HDAC1: variants seen among roughly 807,000 people sequenced by gnomAD.
HDAC1 encodes histone deacetylase 1.
A neutral mutation model predicts 65.5 loss-of-function variants in HDAC1; 18 were observed. The observed-to-expected ratio is 0.27, with a 90% confidence interval of 0.19 to 0.41. The LOEUF (loss-of-function observed/expected upper bound fraction) is 0.41. HDAC1 is among the 10% of genes least tolerant of loss of function. HDAC1 has a pLI of 1.00. For synonymous variants in HDAC1, 211 were observed against 227.9 expected, an observed-to-expected ratio of 0.93 and a Z score of 0.67; for missense variants, 373 against 625.2, an observed-to-expected ratio of 0.60 and a Z score of 4.30.
In HDAC1 at chr1:32,314,677, T is replaced by C. The variant is rs145222478; in HGVS notation, c.163-1988T>C. On this transcript the variant is annotated intron_variant, in intron 2 of 13. Coordinates refer to ENST00000373548, the MANE Select transcript of HDAC1 (RefSeq NM_004964.3). Reference sequence around the variant, plus strand: ...CCATCTCTACTAAATGTACAAAAAATTAGCCAGGTGTGATGGCGGGCGCCT... The same window carrying C: ...CCATCTCTACTAAATGTACAAAAAACTAGCCAGGTGTGATGGCGGGCGCCT... Among the ~76,000 whole-genome samples, 612 of 151,976 alleles carry C rather than the reference T, an allele frequency of 4.0e-3. 3 individuals carry two copies. The highest frequency in any genetic ancestry group is 0.014 in the African/African-American group (574 of 41,472).
intron 2 of HDAC1, among the ~76,000 whole-genome samples, chr1:32,305,346 A>G (rs2148059490): frequency 6.6e-6 from 1 of 152,284 alleles, no homozygotes; most frequent in East Asian, 1.9e-4. Flanking sequence ...AAGTTTCACT[A>G]AAGGATATAC....
intron 1 of HDAC1, among the ~76,000 whole-genome samples, chr1:32,296,715 G>A (rs1640771294): frequency 6.6e-6 from 1 of 152,168 alleles, no homozygotes; most frequent in Non-Finnish European, 1.5e-5. Flanking sequence ...GTGTGAGGTA[G>A]GGAGAGAGGA....
In HDAC1 at chr1:32,327,810, C is replaced by T; in HGVS notation, c.636+133C>T. The T allele has an allele frequency of 2.7e-6, 2 of 753,134 alleles. No individual in the cohort carries two copies. Among genetic ancestry groups the T allele is most frequent in the Non-Finnish European group, 4.7e-6 (2 of 427,140 alleles). The allele number at this position is 753,134 out of a possible 1,614,324, so 46.7% of individuals were successfully genotyped here. ...GAATACCACATCCCAATCTGAAGCA[C>T]TTGCCCTGATCTCTTTCCCTTCCTT... On this transcript the variant is annotated intron_variant, in intron 6 of 13. Coordinates refer to ENST00000373548, the MANE Select transcript of HDAC1 (RefSeq NM_004964.3). This position sits in a 1 kb window ranked among gnomAD's most constrained non-coding sequence, Gnocchi z 6.0.
chr1:32,319,161 T>C (rs1489805005), intron 3 of HDAC1, among the ~76,000 whole-genome samples: 1 of 152,116 alleles, frequency 6.6e-6, no homozygotes, highest in Non-Finnish European at 1.5e-5. Flanking sequence ...TCTCAGCTAC[T>C]TAGGAGGCTG....
Position 32,331,486 on chromosome 1 carries a change from A to G in HDAC1, c.992A>G (p.Asn331Ser), listed in dbSNP as rs1380699516. The change falls in exon 10 of 14, where the codon AAT becomes AGT. Residue 331 changes from asparagine (N) to serine (S), a missense_variant. Around this residue, in one of 4 missense-constraint regions of HDAC1, gnomAD observed 105 missense variants for 192.6 expected, o/e 0.55. Coordinates refer to ENST00000373548, the MANE Select transcript of HDAC1 (RefSeq NM_004964.3). This position sits in a 1 kb window ranked among gnomAD's most constrained non-coding sequence, Gnocchi z 4.2. Reference sequence around the variant, plus strand: ...CTGCCCCAATCAGAGCTTCCATACAATGACTACTTTGAATACTTTGGACCA... The same window carrying G: ...CTGCCCCAATCAGAGCTTCCATACAGTGACTACTTTGAATACTTTGGACCA... ...DTEIPNELPY[N>S]DYFEYFGPDF... is the part of the protein sequence containing the mutation. The G allele has an allele frequency of 7.5e-6, 12 of 1,604,894 alleles. No homozygotes were observed. The highest frequency in any genetic ancestry group is 1.7e-5 in the Admixed American group (1 of 60,012).
chr1:32,310,738 T>G (rs971346123), intron 2 of HDAC1, among the ~76,000 whole-genome samples: 1 of 151,706 alleles, frequency 6.6e-6, no homozygotes, highest in African/African-American at 2.4e-5. Context: ...TAATCCCAGC[T>G]ACTCGGGAGG....
At position 32,332,810 on chromosome 1, in the gene HDAC1, A is replaced by C. The variant is rs986934513; in HGVS notation, c.1421+61A>C. 3 of 1,436,054 alleles carry C rather than the reference A, an allele frequency of 2.1e-6. No homozygotes were observed. The African/African-American group carries it at 4.2e-5, about 20-fold the overall frequency. 89.0% of individuals were successfully genotyped at this position (1,436,054 alleles called of 1,614,324 possible). ...ATTGGAGCACCAGCCCCTTTGTCCC[A>C]CCACTCTGAGGAAAGGCACAGGGAC... On this transcript the variant is annotated intron_variant, in intron 13 of 13. Coordinates refer to ENST00000373548, the MANE Select transcript of HDAC1 (RefSeq NM_004964.3).
intron 3 of HDAC1, among the ~76,000 whole-genome samples, chr1:32,322,143 G>A (rs1641156317): frequency 6.6e-6 from 1 of 152,140 alleles, no homozygotes; most frequent in Non-Finnish European, 1.5e-5. Flanking sequence ...TCACCCCAGG[G>A]CTGCTCCTTC....
intron 1 of HDAC1, among the ~76,000 whole-genome samples, chr1:32,294,007 G>T (rs1378699260): frequency 6.6e-6 from 1 of 151,612 alleles, no homozygotes; most frequent in East Asian, 1.9e-4. Flanking sequence ...GGCAGAGGTT[G>T]CAGTGGGCTG....
intron 6 of HDAC1, 86 bp from the exon 7 acceptor site, chr1:32,328,981 AC>A: frequency 1.2e-6 from 1 of 836,838 alleles, no homozygotes; most frequent in Non-Finnish European, 2.1e-6. Context: ...TCTCTCTTGA[AC>A]CTCTTCCTTT....
rs567790964 is a variant in HDAC1, at chr1:32,318,894, A to G, written c.280+2112A>G. Among the ~76,000 whole-genome samples, 11 of 152,146 alleles carry G rather than the reference A, an allele frequency of 7.2e-5. No homozygotes were observed. In the East Asian group the frequency reaches 1.2e-3, roughly 16 times the overall value. ...AGCAGTTTGGGAGGCTGAGGCAAGC[A>G]GATCACCTGGGGTCGGGAGTTTGAG... On this transcript the variant is annotated intron_variant, in intron 3 of 13. Transcript: ENST00000373548.
intron 2 of HDAC1, among the ~76,000 whole-genome samples, chr1:32,311,432 A>G (rs1169123412): frequency 6.6e-6 from 1 of 151,690 alleles, no homozygotes; most frequent in Non-Finnish European, 1.5e-5. Context: ...GTGCCATTAC[A>G]CTCCAGCCTG....
rs1417924031 is a variant in HDAC1, at chr1:32,331,823, G to C, written c.1219+17G>C. On this transcript the variant is annotated intron_variant, in intron 11 of 13. Transcript: ENST00000373548. This position sits in a 1 kb window ranked among gnomAD's most constrained non-coding sequence, Gnocchi z 4.2. Reference sequence around the variant, plus strand: ...GCATCTCGAGTGAGACCCAGACCTAGAGCCCTATGCCTTCCATTCAATAGG... The same window carrying C: ...GCATCTCGAGTGAGACCCAGACCTACAGCCCTATGCCTTCCATTCAATAGG... The C allele has an allele frequency of 2.5e-6, 4 of 1,597,582 alleles. No individual in the cohort carries two copies. The highest frequency in any genetic ancestry group is 8.5e-7 in the Non-Finnish European group (1 of 1,171,112).
intron 12 of HDAC1, 131 bp from the exon 13 acceptor site, chr1:32,332,570 C>T: frequency 1.4e-6 from 1 of 711,000 alleles, no homozygotes; most frequent in Admixed American, 2.6e-5. Flanking sequence ...CTGGGAGGAC[C>T]AGGGATGGGC....
chr1:32,319,160 C>G (rs1227560508), intron 3 of HDAC1, among the ~76,000 whole-genome samples: 4 of 152,008 alleles, frequency 2.6e-5, no homozygotes, highest in African/African-American at 9.7e-5. Context: ...GTCTCAGCTA[C>G]TTAGGAGGCT....
intron 1 of HDAC1, among the ~76,000 whole-genome samples, chr1:32,301,164 T>C (rs1363751053): frequency 6.6e-6 from 1 of 151,612 alleles, no homozygotes; most frequent in Non-Finnish European, 1.5e-5. Flanking sequence ...AGAAAGTCCT[T>C]GGCCGGGCGC....
intron 2 of HDAC1, among the ~76,000 whole-genome samples, chr1:32,310,451 G>A (rs188665187): frequency 9.9e-5 from 15 of 152,238 alleles, no homozygotes; most frequent in Admixed American, 7.9e-4. Flanking sequence ...AGTGACACAC[G>A]CTTGTAATCC....
rs1418991966 is a variant in HDAC1 at position 32,333,115 on chromosome 1, T to A, written c.*71T>A. On this transcript the variant is annotated 3_prime_UTR_variant, in exon 14 of 14. Transcript: ENST00000373548. ...TTCCCCAACCCCTCAGATTTTATAT[T>A]TTCTATTTCTCTGTGTATTTATATA... 4 of 1,196,248 alleles carry A rather than the reference T, an allele frequency of 3.3e-6. No homozygotes were observed. The African/African-American group carries it at 6.2e-5, about 18-fold the overall frequency. 74.1% of individuals were successfully genotyped at this position (1,196,248 alleles called of 1,614,324 possible).
intron 3 of HDAC1, among the ~76,000 whole-genome samples, chr1:32,318,433 C>T (rs1641093742): frequency 6.6e-6 from 1 of 151,890 alleles, no homozygotes; most frequent in Non-Finnish European, 1.5e-5. Context: ...CATGGCGGTG[C>T]ACACCTGTGG....
Sources: gnomAD v4.1 joint callset for allele counts (sites outside exome capture counted in the v4.1 genomes callset) on GRCh38, gnomAD v4.1.1 for gene constraint, gnomAD v4.1.1 regional missense constraint, Gnocchi (gnomAD v3.1) non-coding constraint, MANE v1.5 for transcripts, NCBI Gene and HGNC (gene_info 2026-07-23, HGNC 2026-07-21) for gene names.